The following KCNH5 variants were observed in gnomAD, a reference collection of about 807,000 sequenced individuals.
KCNH5 encodes the protein voltage-gated delayed rectifier potassium channel KCNH5.
In KCNH5, 46 loss-of-function variants were observed where a neutral mutation model predicts 96.1. The ratio of observed to expected loss-of-function variants is 0.48; its 90% confidence interval spans 0.38 to 0.61. The LOEUF (loss-of-function observed/expected upper bound fraction) is 0.61, where lower values mean the gene tolerates loss of function less well. KCNH5 is among the 20% of genes least tolerant of loss of function. The pLI is 0.00. For missense variants in KCNH5, 907 were observed against 1,225.8 expected (o/e 0.74, Z 3.88); for synonymous variants, 439 against 449.8 (o/e 0.98, Z 0.30).
intron 6 of KCNH5, among the ~76,000 whole-genome samples, chr14:62,960,789 G>A (rs960291011): frequency 2.0e-4 from 31 of 152,012 alleles, no homozygotes; most frequent in African/African-American, 6.3e-4. Flanking sequence ...AGAGCTCTAC[G>A]GGGAAATAAT....
chr14:62,810,927 G>T (rs539557421), intron 8 of KCNH5, among the ~76,000 whole-genome samples: 40 of 152,054 alleles, frequency 2.6e-4, no homozygotes, highest in African/African-American at 9.4e-4. Flanking sequence ...AATCAGGACC[G>T]CTTTCCTGTA....
intron 10 of KCNH5, among the ~76,000 whole-genome samples, chr14:62,738,739 A>C (rs1021388786): frequency 2.0e-5 from 3 of 152,174 alleles, no homozygotes; most frequent in Non-Finnish European, 2.9e-5. Flanking sequence ...CACTGTGCCT[A>C]ATGGAGGGTG....
rs1195632006 is a variant in KCNH5, at chr14:62,700,082, A to G, written c.*7426T>C. 1 of 152,206 alleles carries G rather than the reference A, an allele frequency of 6.6e-6. No individual in the cohort carries two copies. Among genetic ancestry groups the G allele is most frequent in the Admixed American group, 6.5e-5 (1 of 15,280 alleles). 9.4% of individuals were successfully genotyped at this position (152,206 alleles called of 1,614,324 possible). A position where few individuals can be genotyped will look rare whatever the true frequency, so the allele number is the denominator to read the frequency against. ...AGTTGCAAAATTAATTCCCATAGTA[A>G]CATTAGTGTTATAGTAGAATTTACA... is the stretch of plus-strand genomic sequence containing the variant. On this transcript the variant is annotated 3_prime_UTR_variant, in exon 11 of 11. Transcript: ENST00000322893.
At chr14:62,987,262 A>G in intron 4 of KCNH5, 75 bp from the exon 5 acceptor site, 1 of 1,045,362 alleles carries the variant, frequency 9.6e-7, no homozygotes, top group South Asian at 1.3e-5. Flanking sequence ...CTAGCATTAA[A>G]AAGATCTCAG....
At position 62,981,225 on chromosome 14, in the gene KCNH5, G is replaced by T; in HGVS notation, c.589C>A (p.Gln197Lys). 6.2e-7 allele frequency: 1 copy of T among 1,614,070 alleles called. No individual in the cohort carries two copies. Among genetic ancestry groups the T allele is most frequent in the South Asian group, 1.1e-5 (1 of 91,078 alleles). The change falls in exon 6 of 11, where the codon CAA becomes AAA. Residue 197 changes from glutamine to lysine, a missense_variant. This residue lies in a region of KCNH5 where 370 missense variants were observed against 561.3 expected (regional missense o/e 0.66). Coordinates refer to ENST00000322893, the MANE Select transcript of KCNH5 (RefSeq NM_139318.5). ...LGSDILPQYK[Q>K]EAPKTPPHII... ...TGTGGTGGCGTCTTTGGCGCTTCTTGTTTATACTGAGGAAGGATATCTGAT... is the reference window on the plus strand; with the variant it reads ...TGTGGTGGCGTCTTTGGCGCTTCTTTTTTATACTGAGGAAGGATATCTGAT...
chr14:62,921,267 A>G (rs1276940590), intron 7 of KCNH5, among the ~76,000 whole-genome samples: 1 of 152,094 alleles, frequency 6.6e-6, no homozygotes, highest in East Asian at 1.9e-4. Flanking sequence ...TTACCCACTG[A>G]TCCAAAGTAA....
chr14:62,708,521 C>G, intron 10 of KCNH5, 66 bp from the exon 11 acceptor site: 2 of 997,238 alleles, frequency 2.0e-6, no homozygotes, highest in Non-Finnish European at 3.0e-6. Context: ...TTGTATAATA[C>G]TATGCTGTAT....
chr14:63,005,538 C>A (rs1448174917), intron 3 of KCNH5, among the ~76,000 whole-genome samples: 2 of 152,112 alleles, frequency 1.3e-5, no homozygotes, highest in East Asian at 3.8e-4. Flanking sequence ...ACTTTGCTAT[C>A]ATTTGCTATT....
intron 10 of KCNH5, among the ~76,000 whole-genome samples, chr14:62,750,689 G>C (rs115149927): frequency 1.1e-4 from 16 of 152,194 alleles, no homozygotes; most frequent in Non-Finnish European, 2.2e-4. Context: ...CAGAGTCCCT[G>C]TTCCTTCTAG....
At chr14:62,978,586 C>CA (rs529221170) in intron 6 of KCNH5, among the ~76,000 whole-genome samples, 8,471 of 80,220 alleles carry the variant, frequency 0.11, 339 homozygotes, top group Non-Finnish European at 0.15. Flanking sequence ...GACTCCGTCT[C>CA]AAAAAAAAAA....
chr14:62,872,561 C>T (rs900886672), intron 7 of KCNH5, among the ~76,000 whole-genome samples: 1 of 152,070 alleles, frequency 6.6e-6, no homozygotes, highest in Non-Finnish European at 1.5e-5. Context: ...GGCGTGGTGG[C>T]ATGTGCCTGT....
rs986520392 is a variant in KCNH5, at chr14:62,772,639, A to G, written c.2019+7089T>C. Among the ~76,000 whole-genome samples the G allele has an allele frequency of 4.6e-4, 26 of 56,786 alleles. No individual in the cohort carries two copies. The South Asian group carries it at 0.026, about 56-fold the overall frequency. 37.3% of individuals were successfully genotyped at this position (56,786 alleles called of 152,430 possible). ...GACACAGAGTGAGACTTTGTCTGAA[A>G]AAAAAAAAAAAAAAAAAAAGTAGCA... On this transcript the variant is annotated intron_variant, in intron 10 of 10. Transcript: ENST00000322893.
In KCNH5 at chr14:63,003,621, TA is replaced by T. The variant is rs1366854879; in HGVS notation, c.305-2163del. Among the ~76,000 whole-genome samples, 1,085 of 115,586 alleles carry T rather than the reference TA, an allele frequency of 9.4e-3. 29 individuals are homozygous for T. The highest frequency in any genetic ancestry group is 0.017 in the East Asian group (65 of 3,938). The allele number at this position is 115,586 out of a possible 152,430, so 75.8% of individuals were successfully genotyped here. A position where few individuals can be genotyped will look rare whatever the true frequency, so the allele number is the denominator to read the frequency against. ...ATATATTTATATTTATATATATATA[TA>T]TATTTTTTTTTTTTTGAGACGGAGT... On this transcript the variant is annotated intron_variant, in intron 3 of 10. Coordinates refer to ENST00000322893, the MANE Select transcript of KCNH5 (RefSeq NM_139318.5).
At chr14:62,716,124 T>C (rs1014043470) in intron 10 of KCNH5, among the ~76,000 whole-genome samples, 1 of 152,162 alleles carries the variant, frequency 6.6e-6, no homozygotes, top group African/African-American at 2.4e-5. Context: ...TAGCCTAACT[T>C]TGAAATATGG....
chr14:62,810,872 G>C (rs927929661), intron 8 of KCNH5, among the ~76,000 whole-genome samples: 1 of 152,012 alleles, frequency 6.6e-6, no homozygotes, highest in Non-Finnish European at 1.5e-5. Flanking sequence ...GACTCGCCCT[G>C]AATTCTTTCT....
chr14:62,798,775 A>C (rs1886589758), intron 9 of KCNH5, among the ~76,000 whole-genome samples: 1 of 152,198 alleles, frequency 6.6e-6, no homozygotes, highest in Non-Finnish European at 1.5e-5. Flanking sequence ...ACTCCTTAGC[A>C]CTTTTGACAC....
intron 8 of KCNH5, among the ~76,000 whole-genome samples, chr14:62,847,362 C>T (rs193073428): frequency 6.6e-6 from 1 of 151,994 alleles, no homozygotes; most frequent in African/African-American, 2.4e-5. Flanking sequence ...TACTAGAAAT[C>T]CCTACACCCC....
At chr14:62,943,125 A>G (rs1218251322) in intron 7 of KCNH5, among the ~76,000 whole-genome samples, 4 of 152,180 alleles carry the variant, frequency 2.6e-5, no homozygotes, top group African/African-American at 9.6e-5. Flanking sequence ...TATTCAAAAC[A>G]TATTTTTATT....
chr14:62,943,295 A>C (rs1889823704), intron 7 of KCNH5, among the ~76,000 whole-genome samples: 1 of 152,172 alleles, frequency 6.6e-6, no homozygotes, highest in Admixed American at 6.5e-5. Flanking sequence ...GAGGATTTTT[A>C]AAAACATATG....
Sources: gnomAD v4.1 joint callset for allele counts (sites outside exome capture counted in the v4.1 genomes callset) on GRCh38, gnomAD v4.1.1 for gene constraint, gnomAD v4.1.1 regional missense constraint, MANE v1.5 for transcripts, NCBI Gene and HGNC (gene_info 2026-07-23, HGNC 2026-07-21) for gene names.